The following FMR1NB variants were observed in gnomAD, a reference collection of about 807,000 sequenced individuals.
The protein encoded by FMR1NB is FMR1 neighbor protein.
Under a neutral mutation model 16.8 loss-of-function variants are expected in FMR1NB, and 10 were observed. The observed-to-expected ratio is 0.60, with a 90% CI of 0.37 to 1.01. The LOEUF (loss-of-function observed/expected upper bound fraction) is 1.01. FMR1NB is among the 50% of genes least tolerant of loss of function. FMR1NB has a pLI of 0.01. For synonymous variants in FMR1NB, 83 were observed against 79.1 expected (o/e 1.05, Z -0.26); for missense variants, 205 against 204.8 (o/e 1.00, Z 0.00).
chrX:148,023,574 T>C (rs888409778), intron 4 of FMR1NB, among the ~76,000 whole-genome samples: 15 of 112,107 alleles, frequency 1.3e-4, no homozygotes, highest in African/African-American at 4.9e-4. Context: ...TTCTTCTGCA[T>C]GCTACCTAGC....
intron 2 of FMR1NB, 72 bp downstream of exon 2, chrX:148,003,392 G>A (rs1387900110): frequency 9.0e-7 from 1 of 1,112,750 alleles, no homozygotes; most frequent in Non-Finnish European, 1.2e-6. Flanking sequence ...TGTTTAGGAA[G>A]CAGTGTGGTG....
intron 1 of FMR1NB, among the ~76,000 whole-genome samples, chrX:147,987,925 G>A (rs1436752935): frequency 2.7e-5 from 3 of 110,126 alleles, no homozygotes; most frequent in African/African-American, 9.9e-5. Context: ...ATGTGAGATG[G>A]GTCTCCTGAA....
intron 4 of FMR1NB, among the ~76,000 whole-genome samples, chrX:148,019,191 T>C (rs1156874812): frequency 8.9e-6 from 1 of 112,380 alleles, no homozygotes; most frequent in East Asian, 2.8e-4. Flanking sequence ...ATTAAAAAAC[T>C]CTGATGCATT....
intron 4 of FMR1NB, among the ~76,000 whole-genome samples, chrX:148,022,508 C>T (rs2044684583): frequency 8.9e-6 from 1 of 112,320 alleles, no homozygotes; most frequent in South Asian, 3.7e-4. Context: ...GCAAATATAT[C>T]AGTGAGTGAA....
chrX:147,993,626 C>T (rs2044526391), intron 1 of FMR1NB, among the ~76,000 whole-genome samples: 1 of 110,002 alleles, frequency 9.1e-6, no homozygotes, highest in Non-Finnish European at 1.9e-5. Context: ...CCTTACTTCC[C>T]TTCTTTTACC....
intron 4 of FMR1NB, among the ~76,000 whole-genome samples, chrX:148,013,820 A>G (rs2044636623): frequency 8.9e-6 from 1 of 111,982 alleles, no homozygotes; most frequent in Non-Finnish European, 1.9e-5. Context: ...CTCCTAAATT[A>G]TCTCCCCTTG....
chrX:148,002,713 A>G (rs1464077696), intron 1 of FMR1NB, among the ~76,000 whole-genome samples: 1 of 112,218 alleles, frequency 8.9e-6, no homozygotes, highest in African/African-American at 3.2e-5. Flanking sequence ...CTCTTCTCTC[A>G]TGTAGGAGGG....
intron 1 of FMR1NB, among the ~76,000 whole-genome samples, chrX:147,991,130 C>G (rs1173049558): frequency 9.0e-6 from 1 of 111,223 alleles, no homozygotes. Context: ...TCCTACCACA[C>G]TTCTGAAAAA....
chrX:148,008,404 A>G (rs189066764), intron 3 of FMR1NB, among the ~76,000 whole-genome samples: 24 of 112,274 alleles, frequency 2.1e-4, no homozygotes, highest in African/African-American at 7.4e-4. Context: ...ATTAAGGGGT[A>G]CATATTGAAA....
At chrX:148,018,086 C>G (rs2044659568) in intron 4 of FMR1NB, among the ~76,000 whole-genome samples, 1 of 108,814 alleles carries the variant, frequency 9.2e-6, no homozygotes, top group Non-Finnish European at 1.9e-5. Flanking sequence ...AATGGTATTT[C>G]TAGTTCTAGA....
chrX:148,001,642 C>A (rs1557188655), intron 1 of FMR1NB, among the ~76,000 whole-genome samples: 1 of 110,034 alleles, frequency 9.1e-6, no homozygotes, highest in East Asian at 2.8e-4. Flanking sequence ...CTCAGCTACT[C>A]GGGAGGCCAA....
intron 4 of FMR1NB, among the ~76,000 whole-genome samples, chrX:148,020,719 C>CT (rs1384278470): frequency 8.9e-6 from 1 of 111,869 alleles, no homozygotes; most frequent in Non-Finnish European, 1.9e-5. Context: ...CCTCTTGACT[C>CT]TGACTGGTGC....
Position 148,003,309 on chromosome X carries a change from T to C in FMR1NB, c.386T>C (p.Phe129Ser). 1 of 1,210,792 alleles carries C rather than the reference T, an allele frequency of 8.3e-7. No individual in the cohort carries two copies. Among genetic ancestry groups the C allele is most frequent in the Non-Finnish European group, 1.1e-6 (1 of 894,953 alleles). Reference protein sequence around the residue: ...DSALEALLNFFFPTTCNLREN... With the variant: ...DSALEALLNFSFPTTCNLREN... ...GCATTGGAAGCTTTGCTGAATTTTT[T>C]CTTTCCAACAAGTAAGTTCTTGTTT... Residue 129 changes from phenylalanine to serine, a missense_variant, in exon 2 of 6, where the codon TTC becomes TCC. Transcript: ENST00000370467.
chrX:148,025,493 G>A (rs1406087843), intron 5 of FMR1NB, among the ~76,000 whole-genome samples: 1 of 111,481 alleles, frequency 9.0e-6, no homozygotes, highest in Non-Finnish European at 1.9e-5. Context: ...GTTGAGAGAG[G>A]GATCCCAGAA....
chrX:147,996,376 T>C (rs1301028333), intron 1 of FMR1NB, among the ~76,000 whole-genome samples: 2 of 111,675 alleles, frequency 1.8e-5, no homozygotes, highest in East Asian at 5.6e-4. Context: ...TTTACTGACA[T>C]GCTCAAGTTC....
intron 4 of FMR1NB, among the ~76,000 whole-genome samples, chrX:148,016,626 G>T (rs182013576): frequency 1.8e-5 from 2 of 111,272 alleles, no homozygotes; most frequent in East Asian, 5.6e-4. Context: ...TCCATTGCAT[G>T]TTTTTTGATT....
chrX:148,018,619 A>G (rs1191445462), intron 4 of FMR1NB, among the ~76,000 whole-genome samples: 7 of 111,468 alleles, frequency 6.3e-5, no homozygotes, highest in African/African-American at 2.3e-4. Context: ...CTGGCTAGCC[A>G]TATGTAGAAA....
chrX:148,006,619 T>G (rs1357082456), intron 2 of FMR1NB, 83 bp from the exon 3 acceptor site: 2 of 1,036,618 alleles, frequency 1.9e-6, no homozygotes, highest in African/African-American at 3.8e-5. Context: ...GCTTTTCTTC[T>G]TTGTCTTCCA....
intron 1 of FMR1NB, among the ~76,000 whole-genome samples, chrX:147,998,371 G>A (rs888884818): frequency 7.5e-5 from 8 of 106,391 alleles, no homozygotes; most frequent in South Asian, 4.1e-4. Context: ...ACTAAACACC[G>A]CATGTTCTCA....
Sources: allele counts gnomAD v4.1 joint callset (sites outside exome capture counted in the v4.1 genomes callset), GRCh38; gene constraint gnomAD v4.1.1; transcripts MANE v1.5; gene names NCBI Gene and HGNC (gene_info 2026-07-23, HGNC 2026-07-21).